The following DNAH11 variants were observed in gnomAD, a reference collection of about 807,000 sequenced individuals.
DNAH11 encodes the protein axonemal beta dynein heavy chain 11.
A neutral mutation model predicts 526.0 loss-of-function variants in DNAH11; 442 were observed. The observed-to-expected ratio is 0.84, with a 90% confidence interval of 0.78 to 0.91. The LOEUF (loss-of-function observed/expected upper bound fraction) is 0.91. Among genes scored for constraint, DNAH11 ranks in the 40% least tolerant of loss-of-function variants. DNAH11 has a pLI of 0.00. For missense variants in DNAH11, 6,989 were observed against 5,448.7 expected (o/e 1.28, Z -8.90); for synonymous variants, 2,461 against 1,935.9 (o/e 1.27, Z -7.12).
intron 12 of DNAH11, 47 bp from the exon 13 acceptor site, chr7:21,590,871 T>G (rs773319552): frequency 3.6e-6 from 4 of 1,120,038 alleles, no homozygotes; most frequent in Non-Finnish European, 4.8e-6. Context: ...TAAAATAGAA[T>G]GACATTATGA....
intron 73 of DNAH11, among the ~76,000 whole-genome samples, chr7:21,870,273 T>C (rs1783445826): frequency 6.6e-6 from 1 of 152,164 alleles, no homozygotes; most frequent in Admixed American, 6.5e-5. Context: ...GTGTCTCCAG[T>C]ATCCAGGCTC....
intron 28 of DNAH11, among the ~76,000 whole-genome samples, chr7:21,650,431 A>T (rs932107109): frequency 6.6e-6 from 1 of 151,922 alleles, no homozygotes; most frequent in East Asian, 1.9e-4. Flanking sequence ...GTGAGTTATA[A>T]CATATATACT....
chr7:21,639,751 A>C (rs1014073591), intron 28 of DNAH11, among the ~76,000 whole-genome samples: 3 of 152,210 alleles, frequency 2.0e-5, no homozygotes, highest in African/African-American at 7.2e-5. Context: ...AATCATTCCT[A>C]TTCACTTAGA....
intron 11 of DNAH11, among the ~76,000 whole-genome samples, chr7:21,588,979 G>A (rs1784575899): frequency 6.6e-6 from 1 of 151,922 alleles, no homozygotes; most frequent in South Asian, 2.1e-4. Flanking sequence ...CTTCCTAGGA[G>A]CCAGTAGCTT....
At chr7:21,788,476 A>G (rs1271886713) in intron 60 of DNAH11, among the ~76,000 whole-genome samples, 2 of 151,916 alleles carry the variant, frequency 1.3e-5, no homozygotes, top group African/African-American at 4.8e-5. Flanking sequence ...TTCTACTTGT[A>G]CAGTAGGTGA....
intron 54 of DNAH11, among the ~76,000 whole-genome samples, chr7:21,761,013 G>A (rs1200283162): frequency 1.3e-5 from 2 of 152,096 alleles, no homozygotes; most frequent in Non-Finnish European, 2.9e-5. Flanking sequence ...AATATAATGG[G>A]AAAATTATTT....
chr7:21,860,882 A>C (rs1024458606), intron 68 of DNAH11, among the ~76,000 whole-genome samples: 8 of 152,240 alleles, frequency 5.3e-5, no homozygotes, highest in Non-Finnish European at 8.8e-5. Flanking sequence ...CAGGCAAGAC[A>C]GAATGAGAGC....
intron 20 of DNAH11, among the ~76,000 whole-genome samples, chr7:21,608,138 C>T (rs1011880509): frequency 6.6e-6 from 1 of 151,472 alleles, no homozygotes; most frequent in African/African-American, 2.4e-5. Context: ...AAGCCCATAA[C>T]TTATTCTTAA....
At chr7:21,802,802 G>T (rs1322673985) in intron 62 of DNAH11, among the ~76,000 whole-genome samples, 1 of 151,880 alleles carries the variant, frequency 6.6e-6, no homozygotes, top group Admixed American at 6.6e-5. Context: ...ATTTATAGAC[G>T]CAAAATAGAC....
chr7:21,899,226 G>GT, intron 79 of DNAH11, 110 bp from the exon 80 acceptor site: 1 of 811,396 alleles, frequency 1.2e-6, no homozygotes, highest in Non-Finnish European at 2.2e-6. Context: ...GCTAGCAGTG[G>GT]TATACTTCTC....
At position 21,547,526 on chromosome 7, in the gene DNAH11, C is replaced by T. The variant is rs1452979617; in HGVS notation, c.495+2377C>T. The stretch of plus-strand genomic sequence containing the variant: ...TTGAGTACTATGGGGTTACAATATT[C>T]CTGGACATTGCCTAAGTTTGCCTGG... On this transcript the variant is annotated intron_variant, in intron 2 of 81. Coordinates refer to ENST00000409508, the MANE Select transcript of DNAH11 (RefSeq NM_001277115.2). 1.3e-5 allele frequency among the ~76,000 whole-genome samples: 2 copies of T among 152,182 alleles called. 1 individual carries two copies. The highest frequency in any genetic ancestry group is 2.9e-5 in the Non-Finnish European group (2 of 68,020).
chr7:21,638,660 A>C (rs1233123733), intron 27 of DNAH11, among the ~76,000 whole-genome samples: 4 of 150,038 alleles, frequency 2.7e-5, no homozygotes, highest in Non-Finnish European at 4.4e-5. Context: ...TGTAAACCTA[A>C]GTCTAATTCA....
At chr7:21,660,839 TTTGA>T (rs1200682571) in intron 30 of DNAH11, among the ~76,000 whole-genome samples, 7 of 152,258 alleles carry the variant, frequency 4.6e-5, no homozygotes, top group East Asian at 3.9e-4. Flanking sequence ...CATACATTTA[TTTGA>T]TTATTTTATA....
chr7:21,642,913 G>A (rs150363251), intron 28 of DNAH11, among the ~76,000 whole-genome samples: 22 of 152,270 alleles, frequency 1.4e-4, no homozygotes, highest in African/African-American at 4.8e-4. Flanking sequence ...AATGCTGTCA[G>A]TAATTATCAG....
intron 35 of DNAH11, among the ~76,000 whole-genome samples, chr7:21,697,302 GA>G (rs1783898243): frequency 1.3e-5 from 2 of 152,048 alleles, no homozygotes; most frequent in African/African-American, 4.8e-5. Flanking sequence ...AAAGAAAGGG[GA>G]TTTGAAGCTA....
chr7:21,833,093 C>G (rs1200802331), intron 65 of DNAH11, among the ~76,000 whole-genome samples: 3 of 152,112 alleles, frequency 2.0e-5, no homozygotes, highest in African/African-American at 4.8e-5. Context: ...GTGAACTGTC[C>G]CATTGAACAA....
intron 51 of DNAH11, among the ~76,000 whole-genome samples, chr7:21,746,826 A>G (rs1227181996): frequency 3.3e-5 from 5 of 151,970 alleles, no homozygotes; most frequent in African/African-American, 1.2e-4. Context: ...GGAATCTAAA[A>G]CCATGGTGTT....
rs879405368 is a variant in DNAH11 at position 21,793,247 on chromosome 7, CT to C, written c.10026+3911del. 5.9e-5 allele frequency among the ~76,000 whole-genome samples: 9 copies of C among 152,126 alleles called. 1 individual carries two copies. The highest frequency in any genetic ancestry group is 5.9e-4 in the Admixed American group (9 of 15,270). On this transcript the variant is annotated intron_variant, in intron 61 of 81. Transcript: ENST00000409508. ...GAAAAGGTACTTGATATGATTTTTA[CT>C]TTTTTGAATTTGTAGAGACCTGTTT...
chr7:21,614,710 A>G (rs747120904), intron 20 of DNAH11, among the ~76,000 whole-genome samples: 2 of 152,328 alleles, frequency 1.3e-5, no homozygotes, highest in Admixed American at 6.5e-5. Context: ...TTTAAATCTG[A>G]AAGTTTTAAT....
Sources: allele counts gnomAD v4.1 joint callset (sites outside exome capture counted in the v4.1 genomes callset), GRCh38; gene constraint gnomAD v4.1.1; transcripts MANE v1.5; gene names NCBI Gene and HGNC (gene_info 2026-07-23, HGNC 2026-07-21).